Variants in CABIN1 observed in about 807,000 individuals in gnomAD.
The protein encoded by CABIN1 is calcineurin-binding protein cabin-1.
Under a neutral mutation model 227.7 loss-of-function variants are expected in CABIN1, and 133 were observed. The ratio of observed to expected loss-of-function variants is 0.58; its 90% CI spans 0.51 to 0.67. CABIN1 has a LOEUF of 0.67. Ranked by LOEUF, CABIN1 falls within the 30% of genes least tolerant of loss-of-function variation. CABIN1 has a pLI of 0.00. For missense variants in CABIN1, 2,408 were observed against 2,852.5 expected (o/e 0.84, Z 3.55); for synonymous variants, 1,086 against 1,155.1 (o/e 0.94, Z 1.21).
At chr22:24,033,150 G>A (rs991260355) in intron 1 of CABIN1, among the ~76,000 whole-genome samples, 1 of 152,058 alleles carries the variant, frequency 6.6e-6, no homozygotes, top group Non-Finnish European at 1.5e-5. Flanking sequence ...TTTTCTAAAT[G>A]TGGAACCCAG....
At chr22:24,064,226 A>G (rs1477846693) in intron 15 of CABIN1, 39 bp downstream of exon 15, 2 of 1,610,046 alleles carry the variant, frequency 1.2e-6, no homozygotes, top group Admixed American at 3.3e-5. Context: ...GTTTCCTGAG[A>G]TGGAGTTTCA....
chr22:24,146,298 TTAA>T (rs1205106516), intron 29 of CABIN1, among the ~76,000 whole-genome samples: 1 of 152,196 alleles, frequency 6.6e-6, no homozygotes, highest in Non-Finnish European at 1.5e-5. Flanking sequence ...GGTCCTGTTT[TTAA>T]GAGTCTTAAA....
chr22:24,113,545 T>C lies in CABIN1; in HGVS notation c.4118-21T>C, dbSNP rs201090056. 260 of 1,612,744 alleles carry C rather than the reference T, an allele frequency of 1.6e-4. 1 individual carries two copies. The African/African-American group carries it at 3.3e-3, about 20-fold the overall frequency. ...GGTGTAGGTTAATGCTCTCGCCCTC[T>C]CTTCCTCCTTCTCCCCTCAGACCGA... On this transcript the variant is annotated intron_variant, in intron 26 of 36. Coordinates refer to ENST00000263119, the MANE Select transcript of CABIN1 (RefSeq NM_012295.4).
intron 5 of CABIN1, among the ~76,000 whole-genome samples, chr22:24,042,641 A>G (rs1383554472): frequency 2.6e-5 from 4 of 152,324 alleles, no homozygotes; most frequent in Middle Eastern, 3.4e-3. Flanking sequence ...GTAACTTTTT[A>G]TATGCCATTA....
chr22:24,109,582 C>CTGATT (rs1039480041), intron 26 of CABIN1, among the ~76,000 whole-genome samples: 11 of 152,240 alleles, frequency 7.2e-5, no homozygotes, highest in African/African-American at 2.6e-4. Flanking sequence ...TAGGACCCAG[C>CTGATT]TGATTAGCAC....
intron 23 of CABIN1, among the ~76,000 whole-genome samples, chr22:24,090,712 C>T (rs2041489577): frequency 6.6e-6 from 1 of 152,162 alleles, no homozygotes; most frequent in Middle Eastern, 3.4e-3. Context: ...CAGCAGCTGC[C>T]CTTGCCAGAG....
chr22:24,078,284 A>G (rs1455953238), intron 19 of CABIN1, among the ~76,000 whole-genome samples: 3 of 152,180 alleles, frequency 2.0e-5, no homozygotes, highest in South Asian at 2.1e-4. Flanking sequence ...AATACCTGAC[A>G]GACTGCTGCC....
chr22:24,096,135 G>C (rs773446326), intron 25 of CABIN1, 53 bp downstream of exon 25: 7 of 1,598,548 alleles, frequency 4.4e-6, no homozygotes, highest in Non-Finnish European at 6.0e-6. Context: ...CTGCATCCCA[G>C]ATGGCTCGTT....
At chr22:24,047,318 C>T (rs2037969180) in intron 6 of CABIN1, among the ~76,000 whole-genome samples, 1 of 152,154 alleles carries the variant, frequency 6.6e-6, no homozygotes, top group African/African-American at 2.4e-5. Flanking sequence ...TTAAGGCCTG[C>T]GGACTGCCTC....
At chr22:24,147,311 C>CTCTG (rs2045193609) in intron 29 of CABIN1, among the ~76,000 whole-genome samples, 2 of 107,446 alleles carry the variant, frequency 1.9e-5, no homozygotes, top group Non-Finnish European at 3.9e-5. Flanking sequence ...CTCTCTGCCT[C>CTCTG]CCTCCCTCCC....
At chr22:24,014,376 G>C (rs2035076912) in intron 1 of CABIN1, among the ~76,000 whole-genome samples, 1 of 151,624 alleles carries the variant, frequency 6.6e-6, no homozygotes, top group Non-Finnish European at 1.5e-5. Context: ...TATTTAGTTA[G>C]GATCTCCTTC....
intron 29 of CABIN1, among the ~76,000 whole-genome samples, chr22:24,155,204 A>C (rs1254098419): frequency 6.6e-6 from 1 of 152,102 alleles, no homozygotes; most frequent in Non-Finnish European, 1.5e-5. Flanking sequence ...TGCTGTGTGC[A>C]CACTGGAGCT....
chr22:24,102,431 T>A (rs2042257719), intron 26 of CABIN1: 1 of 152,314 alleles, frequency 6.6e-6, no homozygotes, highest in Non-Finnish European at 1.5e-5. Flanking sequence ...CTCTCTATGG[T>A]CTTTGGCCAA....
chr22:24,019,650 CTTTTT>C (rs34361694), intron 1 of CABIN1, among the ~76,000 whole-genome samples: 4 of 87,022 alleles, frequency 4.6e-5, no homozygotes, highest in Non-Finnish European at 8.3e-5. Context: ...TTTCTTTACC[CTTTTT>C]TTTTTTTTTT....
At chr22:24,120,206 C>T (rs954967306) in intron 28 of CABIN1, among the ~76,000 whole-genome samples, 6 of 152,168 alleles carry the variant, frequency 3.9e-5, no homozygotes, top group South Asian at 2.1e-4. Flanking sequence ...GGGCTCTTGT[C>T]GCTGGTGCAG....
rs118102561 is a variant in CABIN1, at chr22:24,119,182, C to T, written c.4301-185C>T. Among the ~76,000 whole-genome samples the T allele has an allele frequency of 4.9e-4, 74 of 152,308 alleles. 1 individual carries two copies. The East Asian group carries it at 0.014, about 28-fold the overall frequency. ...GCCTGTTTCATGGAGCGGGAGACCT[C>T]GGTTGGGGCAGAGCCAGCACTGGGC... On this transcript the variant is annotated intron_variant, in intron 27 of 36. Transcript: ENST00000263119.
rs776187826 is a variant in CABIN1, at chr22:24,091,621, G to A, written c.3564G>A (p.Lys1188=). 1.5e-5 allele frequency: 25 copies of A among 1,614,140 alleles called. No individual in the cohort carries two copies. The highest frequency in any genetic ancestry group is 2.1e-5 in the Non-Finnish European group (25 of 1,180,058). Residue 1188 remains lysine (K), a synonymous_variant, in exon 24 of 37, where the codon AAG becomes AAA. Transcript: ENST00000263119. ...GRRDSMLETA[K]HCFTSAARCE... ...GCGACAGCATGCTAGAGACAGCCAA[G>A]CACTGTTTCACATCAGCAGCCCGCT...
intron 28 of CABIN1, among the ~76,000 whole-genome samples, chr22:24,122,522 A>T (rs1242806459): frequency 2.0e-5 from 3 of 152,196 alleles, no homozygotes; most frequent in African/African-American, 7.2e-5. Flanking sequence ...ACCTTGGCCA[A>T]CATGGCGAAA....
intron 29 of CABIN1, among the ~76,000 whole-genome samples, chr22:24,147,251 GCCTCCCTCCCTCCGTCCCTGCCTC>G (rs2045180093): frequency 1.1e-5 from 1 of 90,230 alleles, no homozygotes; most frequent in Non-Finnish European, 2.3e-5. Context: ...CTCTCTCCCT[GCCTCCCTCCCTCCGTCCCTGCCTC>G]CCTCCCTCCC....
Sources: gnomAD v4.1 joint callset for allele counts (sites outside exome capture counted in the v4.1 genomes callset) on GRCh38, gnomAD v4.1.1 for gene constraint, MANE v1.5 for transcripts, NCBI Gene and HGNC (gene_info 2026-07-23, HGNC 2026-07-21) for gene names.